PACSIN2: variants seen among roughly 807,000 people sequenced by gnomAD.
PACSIN2 encodes the protein protein kinase C and casein kinase substrate in neurons 2.
A neutral mutation model predicts 63.8 loss-of-function variants in PACSIN2; 25 were observed. The observed-to-expected ratio is 0.39, with a 90% CI of 0.29 to 0.55. The LOEUF (loss-of-function observed/expected upper bound fraction) is 0.55. Among genes scored for constraint, PACSIN2 ranks in the 20% least tolerant of loss-of-function variants. PACSIN2 has a pLI of 0.62. For synonymous variants in PACSIN2, 255 were observed against 256.2 expected (o/e 1.00, Z 0.05); for missense variants, 518 against 646.9 (o/e 0.80, Z 2.16).
chr22:42,986,894 C>G (rs1601606085), intron 1 of PACSIN2, among the ~76,000 whole-genome samples: 1 of 152,308 alleles, frequency 6.6e-6, no homozygotes, highest in Non-Finnish European at 1.5e-5. Context: ...TGCTTAAAAG[C>G]CTTTGATAGC....
At chr22:42,969,741 C>T (rs1380319443) in intron 1 of PACSIN2, among the ~76,000 whole-genome samples, 1 of 151,890 alleles carries the variant, frequency 6.6e-6, no homozygotes, top group Non-Finnish European at 1.5e-5. Context: ...GTGTTCGAGA[C>T]CAGCCTGGGC....
At chr22:42,880,056 A>G (rs2146641190) in intron 7 of PACSIN2, among the ~76,000 whole-genome samples, 1 of 152,364 alleles carries the variant, frequency 6.6e-6, no homozygotes, top group Admixed American at 6.5e-5. Context: ...GAGTCTGTGC[A>G]TGCCCGCAGG....
intron 1 of PACSIN2, among the ~76,000 whole-genome samples, chr22:43,014,593 A>G (rs1163288773): frequency 6.6e-6 from 1 of 151,132 alleles, no homozygotes; most frequent in Admixed American, 6.6e-5. Context: ...TTTCTCCTAA[A>G]TCGCGTCCCT....
chr22:43,014,938 GCCCGGCCGCGGACCAGCGCCCCCGCGT>G (rs930075140), intron 1 of PACSIN2, 56 bp downstream of exon 1: 1 of 149,490 alleles, frequency 6.7e-6, no homozygotes, highest in African/African-American at 2.4e-5. Context: ...CGGGGCGCGG[GCCCGGCCGCGGACCAGCGCCCCCGCGT>G]CCCGCCCGCG....
intron 10 of PACSIN2, among the ~76,000 whole-genome samples, chr22:42,872,198 T>G (rs561210531): frequency 2.0e-4 from 31 of 152,328 alleles, no homozygotes; most frequent in Admixed American, 1.8e-3. Flanking sequence ...TGATGGATCC[T>G]GGTCTCAAGG....
At chr22:42,991,576 T>C (rs1371388095) in intron 1 of PACSIN2, among the ~76,000 whole-genome samples, 3 of 152,160 alleles carry the variant, frequency 2.0e-5, no homozygotes, top group Non-Finnish European at 4.4e-5. Context: ...CATCGCCCAG[T>C]CCCTTTCCCA....
Position 42,871,331 on chromosome 22 carries a change from C to CT in PACSIN2, c.*25_*26insA. The CT allele has an allele frequency of 7.1e-7, 1 of 1,402,772 alleles. No homozygotes were observed. The highest frequency in any genetic ancestry group is 1.8e-4 in the Middle Eastern group (1 of 5,664). 86.9% of individuals were successfully genotyped at this position (1,402,772 alleles called of 1,614,324 possible). On this transcript the variant is annotated 3_prime_UTR_variant, in exon 11 of 11. Transcript: ENST00000263246. The surrounding 1 kb of genome is among the most constrained non-coding windows in gnomAD (Gnocchi z 5.4). The stretch of plus-strand genomic sequence containing the variant: ...AGGCTCCTGGGCCCGCCGCCTCCGT[C>CT]CCCCCGCTGGCCTGTCCCCGACTCA...
At chr22:42,886,266 A>G (rs1929466407) in intron 5 of PACSIN2, among the ~76,000 whole-genome samples, 1 of 152,258 alleles carries the variant, frequency 6.6e-6, no homozygotes, top group Admixed American at 6.5e-5. Context: ...CCCATGGAGT[A>G]AAACAAGAGG....
At chr22:42,940,540 A>C (rs981934973) in intron 1 of PACSIN2, among the ~76,000 whole-genome samples, 14 of 152,190 alleles carry the variant, frequency 9.2e-5, no homozygotes, top group Non-Finnish European at 1.5e-4. Flanking sequence ...GTTACACCAG[A>C]AGCAGTGCCA....
intron 1 of PACSIN2, among the ~76,000 whole-genome samples, chr22:43,010,399 T>TATATATATATATATA (rs1388431678): frequency 2.8e-4 from 9 of 32,516 alleles, no homozygotes; most frequent in South Asian, 2.1e-3. Context: ...TATATATATA[T>TATATATATATATATA]TTTTTTTTAA....
chr22:42,993,285 T>C (rs1471169362), intron 1 of PACSIN2, among the ~76,000 whole-genome samples: 2 of 152,044 alleles, frequency 1.3e-5, no homozygotes, highest in East Asian at 3.9e-4. Flanking sequence ...AGAGCAGTGG[T>C]GGCCTGGAAG....
intron 1 of PACSIN2, among the ~76,000 whole-genome samples, chr22:42,954,851 A>G (rs1230025388): frequency 1.3e-5 from 2 of 148,316 alleles, no homozygotes; most frequent in East Asian, 3.8e-4. Flanking sequence ...GGTAGGTGAT[A>G]ATGCCACAAA....
intron 1 of PACSIN2, among the ~76,000 whole-genome samples, chr22:42,980,972 GC>G (rs1173340619): frequency 8.3e-6 from 1 of 120,956 alleles, no homozygotes; most frequent in Non-Finnish European, 1.7e-5. Context: ...GAGCCCCTCT[GC>G]CTGGCTGCCC....
intron 1 of PACSIN2, among the ~76,000 whole-genome samples, chr22:42,995,797 C>CT (rs1375024060): frequency 6.6e-6 from 1 of 152,154 alleles, no homozygotes; most frequent in East Asian, 1.9e-4. Context: ...GGCACAGTGA[C>CT]CCACACCTGT....
At chr22:42,992,876 T>C (rs1338905224) in intron 1 of PACSIN2, among the ~76,000 whole-genome samples, 1 of 152,116 alleles carries the variant, frequency 6.6e-6, no homozygotes, top group African/African-American at 2.4e-5. Context: ...AAAAAGAATA[T>C]ATACTGGCCG....
chr22:42,986,171 C>CTA (rs1922598025), intron 1 of PACSIN2, among the ~76,000 whole-genome samples: 1 of 152,188 alleles, frequency 6.6e-6, no homozygotes, highest in South Asian at 2.1e-4. Context: ...AGACCAGGAA[C>CTA]TATGCTAGGA....
chr22:42,988,047 G>C (rs1329241367), intron 1 of PACSIN2, among the ~76,000 whole-genome samples: 3 of 152,024 alleles, frequency 2.0e-5, no homozygotes, highest in African/African-American at 7.2e-5. Flanking sequence ...AGGCTGAGGT[G>C]AATCACTTGA....
At chr22:42,905,645 C>A (rs1228222908) in intron 2 of PACSIN2, among the ~76,000 whole-genome samples, 1 of 152,248 alleles carries the variant, frequency 6.6e-6, no homozygotes, top group African/African-American at 2.4e-5. Flanking sequence ...AATGGCTGAG[C>A]ACGCAGGCCG....
At chr22:42,940,055 T>C (rs1046174035) in intron 1 of PACSIN2, among the ~76,000 whole-genome samples, 4 of 152,180 alleles carry the variant, frequency 2.6e-5, no homozygotes, top group African/African-American at 9.7e-5. Context: ...GCCCCCTGCA[T>C]CCAGCAGCCT....
Sources: allele counts gnomAD v4.1 joint callset (sites outside exome capture counted in the v4.1 genomes callset), GRCh38; gene constraint gnomAD v4.1.1; non-coding constraint Gnocchi (gnomAD v3.1); transcripts MANE v1.5; gene names NCBI Gene and HGNC (gene_info 2026-07-23, HGNC 2026-07-21).